SORCS1: variants seen among roughly 807,000 people sequenced by gnomAD.
The protein encoded by SORCS1 is VPS10 domain-containing receptor SorCS1.
SORCS1 carries 60 observed loss-of-function variants against 146.1 expected under a neutral mutation model. That is an observed-to-expected ratio of 0.41 (90% CI 0.33 to 0.51). SORCS1 has a LOEUF of 0.51. Ranked by LOEUF, SORCS1 falls within the 20% of genes least tolerant of loss-of-function variation. The pLI is 0.21. For synonymous variants in SORCS1, 637 were observed against 584.0 expected, an observed-to-expected ratio of 1.09 and a Z score of -1.31; for missense variants, 1,352 against 1,487.6, an observed-to-expected ratio of 0.91 and a Z score of 1.50.
At chr10:106,765,964 T>A (rs1859537397) in intron 4 of SORCS1, among the ~76,000 whole-genome samples, 1 of 152,186 alleles carries the variant, frequency 6.6e-6, no homozygotes, top group African/African-American at 2.4e-5. Flanking sequence ...CAAAGAAATT[T>A]GTGCTACGAG....
At position 107,060,361 on chromosome 10, in the gene SORCS1, A is replaced by T. The variant is rs7100323; in HGVS notation, c.558+103608T>A. Among the ~76,000 whole-genome samples, 78,269 of 151,986 alleles carry T rather than the reference A, an allele frequency of 0.51. 21,035 individuals carry two copies. The highest frequency in any genetic ancestry group is 0.64 in the Middle Eastern group (189 of 294). On this transcript the variant is annotated intron_variant, in intron 1 of 25. Coordinates refer to ENST00000263054, the MANE Select transcript of SORCS1 (RefSeq NM_052918.5). This position sits in a 1 kb window ranked among gnomAD's most constrained non-coding sequence, Gnocchi z 4.1. ...TTCTTGCGAGATTAAAGTTAATTAA[A>T]AGATGAGAAAGCCATTTGAGGATAG... is the stretch of plus-strand genomic sequence containing the variant.
intron 2 of SORCS1, among the ~76,000 whole-genome samples, chr10:106,922,153 G>C (rs967038372): frequency 1.3e-5 from 2 of 152,210 alleles, no homozygotes; most frequent in Non-Finnish European, 2.9e-5. Flanking sequence ...AAGAATGAAA[G>C]GGATAAGTTT....
At chr10:106,772,425 T>C (rs925282390) in intron 4 of SORCS1, among the ~76,000 whole-genome samples, 2 of 151,792 alleles carry the variant, frequency 1.3e-5, no homozygotes, top group African/African-American at 4.9e-5. Flanking sequence ...GCCTCCACAA[T>C]TACATGAGTA....
intron 8 of SORCS1, among the ~76,000 whole-genome samples, chr10:106,703,741 G>A (rs1854303686): frequency 6.6e-6 from 1 of 152,172 alleles, no homozygotes; most frequent in African/African-American, 2.4e-5. Flanking sequence ...GCCCTGACAG[G>A]CCATGAAATA....
At chr10:106,924,060 G>C (rs1952857251) in intron 2 of SORCS1, among the ~76,000 whole-genome samples, 1 of 152,118 alleles carries the variant, frequency 6.6e-6, no homozygotes, top group Admixed American at 6.6e-5. Flanking sequence ...TTCGAGACCA[G>C]CCTGACCAAC....
intron 2 of SORCS1, among the ~76,000 whole-genome samples, chr10:106,898,775 T>C (rs1192067784): frequency 6.6e-6 from 1 of 152,186 alleles, no homozygotes; most frequent in Non-Finnish European, 1.5e-5. Flanking sequence ...CTAATTGTAA[T>C]GATCAATTCT....
At chr10:106,876,472 A>G (rs1239480615) in intron 2 of SORCS1, among the ~76,000 whole-genome samples, 1 of 152,146 alleles carries the variant, frequency 6.6e-6, no homozygotes, top group East Asian at 1.9e-4. Context: ...CTAGAGATGG[A>G]TTTTTACAGG....
chr10:107,042,520 G>C (rs75167806), intron 1 of SORCS1, among the ~76,000 whole-genome samples: 3,797 of 152,238 alleles, frequency 0.025, 68 homozygotes, highest in Non-Finnish European at 0.038. Context: ...GTGACAGATG[G>C]GCAATATCTT....
intron 1 of SORCS1, among the ~76,000 whole-genome samples, chr10:106,977,390 T>C (rs1449732546): frequency 6.6e-6 from 1 of 152,186 alleles, no homozygotes; most frequent in African/African-American, 2.4e-5. Flanking sequence ...TGTTTTATTC[T>C]TGTAAATTTG....
intron 1 of SORCS1, among the ~76,000 whole-genome samples, chr10:107,013,887 C>T (rs1419714991): frequency 2.6e-5 from 4 of 152,066 alleles, no homozygotes; most frequent in Non-Finnish European, 1.5e-5. Context: ...ACTCTAGTTC[C>T]TGCTAATTTA....
At chr10:106,859,445 G>C (rs1202881411) in intron 2 of SORCS1, among the ~76,000 whole-genome samples, 2 of 152,154 alleles carry the variant, frequency 1.3e-5, no homozygotes, top group Non-Finnish European at 2.9e-5. Flanking sequence ...CCAGGCTGGA[G>C]TGTGGCGGCG....
intron 3 of SORCS1, among the ~76,000 whole-genome samples, chr10:106,809,175 G>A (rs1196957948): frequency 6.6e-6 from 1 of 151,562 alleles, no homozygotes; most frequent in Non-Finnish European, 1.5e-5. Flanking sequence ...TGGTTGTGGG[G>A]GGAGGGGCGA....
intron 1 of SORCS1, among the ~76,000 whole-genome samples, chr10:107,027,200 A>G (rs1958446870): frequency 6.6e-6 from 1 of 151,950 alleles, no homozygotes; most frequent in Non-Finnish European, 1.5e-5. Context: ...ACTGTTTAAA[A>G]TAGAATCAGG....
At chr10:106,953,142 A>AGTGT (rs60289278) in intron 2 of SORCS1, among the ~76,000 whole-genome samples, 95 of 148,154 alleles carry the variant, frequency 6.4e-4, no homozygotes, top group East Asian at 1.8e-3. Flanking sequence ...CTGTGGGTAT[A>AGTGT]GTGTGTGTGT....
At chr10:106,606,210 G>A (rs542601998) in intron 23 of SORCS1, among the ~76,000 whole-genome samples, 1 of 148,576 alleles carries the variant, frequency 6.7e-6, no homozygotes, top group South Asian at 2.1e-4. Flanking sequence ...AAGGAGGAAA[G>A]GGAAGAAAAA....
chr10:106,604,409 G>A (rs1846436871), intron 23 of SORCS1, among the ~76,000 whole-genome samples: 1 of 152,114 alleles, frequency 6.6e-6, no homozygotes, highest in East Asian at 1.9e-4. Flanking sequence ...GGTTTAATAA[G>A]TTGATTTCAG....
At chr10:106,768,383 G>A (rs1042026450) in intron 4 of SORCS1, among the ~76,000 whole-genome samples, 4 of 152,154 alleles carry the variant, frequency 2.6e-5, no homozygotes, top group African/African-American at 9.7e-5. Context: ...GATGGCATTA[G>A]GTAGATATCA....
chr10:107,121,866 T>C (rs1452830553), intron 1 of SORCS1, among the ~76,000 whole-genome samples: 1 of 152,174 alleles, frequency 6.6e-6, no homozygotes, highest in Non-Finnish European at 1.5e-5. Context: ...AGAGGGGCTA[T>C]CAAAGGAAAC....
At chr10:106,700,524 T>A (rs566560886) in intron 8 of SORCS1, among the ~76,000 whole-genome samples, 2 of 152,332 alleles carry the variant, frequency 1.3e-5, no homozygotes, top group East Asian at 1.9e-4. Flanking sequence ...TCGGCATCAC[T>A]TAGTGCTCTA....
Sources: gnomAD v4.1 joint callset for allele counts (sites outside exome capture counted in the v4.1 genomes callset) on GRCh38, gnomAD v4.1.1 for gene constraint, Gnocchi (gnomAD v3.1) non-coding constraint, MANE v1.5 for transcripts, NCBI Gene and HGNC (gene_info 2026-07-23, HGNC 2026-07-21) for gene names.